EPG5: variants seen among roughly 807,000 people sequenced by gnomAD.
The protein encoded by EPG5 is ectopic P-granules 5 autophagy tethering factor.
A neutral mutation model predicts 302.7 loss-of-function variants in EPG5; 159 were observed. The observed-to-expected ratio is 0.53, with a 90% CI of 0.46 to 0.60. EPG5 has a LOEUF of 0.60. EPG5 is among the 20% of genes least tolerant of loss of function. The pLI is 0.00. For synonymous variants in EPG5, 1,158 were observed against 1,136.8 expected, an observed-to-expected ratio of 1.02 and a Z score of -0.37; for missense variants, 2,896 against 3,092.4, an observed-to-expected ratio of 0.94 and a Z score of 1.51.
intron 22 of EPG5, among the ~76,000 whole-genome samples, 162 bp from the exon 23 acceptor site, chr18:45,910,904 C>T (rs920236732): frequency 2.6e-5 from 4 of 151,892 alleles, no homozygotes; most frequent in Non-Finnish European, 5.9e-5. Flanking sequence ...TTTGATGGTC[C>T]AACAAGATGG....
chr18:45,852,514 C>T lies in EPG5; in HGVS notation c.7693G>A (p.Val2565Ile), dbSNP rs777854920. The T allele has an allele frequency of 2.0e-5, 33 of 1,614,036 alleles. No homozygotes were observed. The highest frequency in any genetic ancestry group is 1.1e-4 in the African/African-American group (8 of 74,914). The stretch of plus-strand genomic sequence containing the variant: ...TGCACTTCTGGATACAGACAGTTAA[C>T]GAGAAGAGCCAAGAAGCTTTTCCCA... The part of the protein sequence containing the change: ...QDGKSFLALL[V>I]NCLYPEVHYL... The change falls in exon 44 of 44, where the codon GTT becomes ATT. Residue 2565 changes from valine (V) to isoleucine (I), a missense_variant. Val to Ile is a conservative substitution (Grantham distance 29). Coordinates refer to ENST00000282041, the MANE Select transcript of EPG5 (RefSeq NM_020964.3).
the EPG5 span, among the ~76,000 whole-genome samples, chr18:45,826,793 G>A: frequency 6.6e-6 from 1 of 152,208 alleles, no homozygotes; most frequent in Admixed American, 6.5e-5. Flanking sequence ...TACTCAGACT[G>A]GAGTCCAGCT....
At chr18:45,952,348 C>CA in intron 3 of EPG5, 52 bp downstream of exon 3, 1 of 1,595,256 alleles carries the variant, frequency 6.3e-7, no homozygotes, top group South Asian at 1.1e-5. Flanking sequence ...CTATACCCCT[C>CA]AATTTTTTTT....
Position 45,918,564 on chromosome 18 carries a change from A to T in EPG5, c.3099-745T>A, listed in dbSNP as rs183506966. ...CCTTAAAAAATAATCTCAAATACGG[A>T]AAAAAATATAAAATATGATCCATAT... On this transcript the variant is annotated intron_variant, in intron 16 of 43. Transcript: ENST00000282041. Among the ~76,000 whole-genome samples, 413 of 152,320 alleles carry T rather than the reference A, an allele frequency of 2.7e-3. 4 individuals carry two copies. The highest frequency in any genetic ancestry group is 9.5e-3 in the African/African-American group (394 of 41,572).
intron 24 of EPG5, among the ~76,000 whole-genome samples, chr18:45,906,978 A>G (rs1331510949): frequency 6.6e-6 from 1 of 152,172 alleles, no homozygotes; most frequent in Non-Finnish European, 1.5e-5. Context: ...ACAAAATGTA[A>G]TAACTGTTTG....
chr18:45,910,100 C>G lies in EPG5; in HGVS notation c.4205+421G>C, dbSNP rs886123947. On this transcript the variant is annotated intron_variant, in intron 23 of 43. Coordinates refer to ENST00000282041, the MANE Select transcript of EPG5 (RefSeq NM_020964.3). ...TCCTGGGCTTAAGGGATCCTCCCAC[C>G]TCAGCCTCCCAAGTAGCTGGGACCA... Among the ~76,000 whole-genome samples, 10 of 152,124 alleles carry G rather than the reference C, an allele frequency of 6.6e-5. 1 individual carries two copies. The highest frequency in any genetic ancestry group is 1.5e-4 in the Non-Finnish European group (10 of 68,026).
chr18:45,910,737 G>A lies in EPG5; in HGVS notation c.3989C>T (p.Pro1330Leu). 1 of 1,612,666 alleles carries A rather than the reference G, an allele frequency of 6.2e-7. No homozygotes were observed. Among genetic ancestry groups the A allele is most frequent in the South Asian group, 1.1e-5 (1 of 90,944 alleles). Residue 1330 changes from proline to leucine, a missense_variant, in exon 23 of 44, where the codon CCC (proline) becomes CTC (leucine). Coordinates refer to ENST00000282041, the MANE Select transcript of EPG5 (RefSeq NM_020964.3). ...LHRPGPQYGL[P>L]IDGCIGRRFF... ...CCTTCTTCCAATACAACCATCTATG[G>A]GTAACCTTAAAAAACACAAGCACAG... is the stretch of plus-strand genomic sequence containing the variant.
At chr18:45,890,531 T>A (rs1237280839) in intron 27 of EPG5, among the ~76,000 whole-genome samples, 1 of 152,168 alleles carries the variant, frequency 6.6e-6, no homozygotes, top group East Asian at 1.9e-4. Context: ...AAAATTTTTA[T>A]TGGTTTTCAG....
At chr18:45,906,484 T>C (rs951797692) in intron 24 of EPG5, among the ~76,000 whole-genome samples, 1 of 152,120 alleles carries the variant, frequency 6.6e-6, no homozygotes, top group African/African-American at 2.4e-5. Context: ...CTGGTCTTTC[T>C]GCCCATTAAC....
chr18:45,908,778 G>A (rs1017044086), intron 23 of EPG5, among the ~76,000 whole-genome samples: 1 of 152,086 alleles, frequency 6.6e-6, no homozygotes, highest in African/African-American at 2.4e-5. Context: ...GTGAAAGCTT[G>A]TCTCTACTAA....
rs1437453197 is a variant in EPG5 at position 45,922,565 on chromosome 18, C to G, written c.2874G>C (p.Glu958Asp). The G allele has an allele frequency of 1.2e-6, 2 of 1,614,094 alleles. No individual in the cohort carries two copies. Among genetic ancestry groups the G allele is most frequent in the Admixed American group, 3.3e-5 (2 of 59,996 alleles). The change falls in exon 16 of 44, where the codon GAG becomes GAC. Residue 958 changes from glutamate to aspartate, a missense_variant. Coordinates refer to ENST00000282041, the MANE Select transcript of EPG5 (RefSeq NM_020964.3). ...SYLASIVRYG[E>D]TPETSFNQWA... Reference sequence around the variant, plus strand: ...ATTGGTTAAATGAGGTCTCGGGTGTCTCTCCATATCGAACAATACTGGCCA... The same window carrying G: ...ATTGGTTAAATGAGGTCTCGGGTGTGTCTCCATATCGAACAATACTGGCCA...
At chr18:45,859,090 A>T (rs941868753) in intron 40 of EPG5, among the ~76,000 whole-genome samples, 6 of 152,204 alleles carry the variant, frequency 3.9e-5, no homozygotes, top group African/African-American at 1.4e-4. Context: ...TCACATTATG[A>T]TCCTTAAAAC....
the EPG5 span, among the ~76,000 whole-genome samples, chr18:45,838,336 A>G: frequency 6.6e-6 from 1 of 152,106 alleles, no homozygotes; most frequent in Non-Finnish European, 1.5e-5. Flanking sequence ...CCTGATATAC[A>G]AAGATGCCTG....
chr18:45,822,729 G>T, the EPG5 span, among the ~76,000 whole-genome samples: 16 of 152,130 alleles, frequency 1.1e-4, no homozygotes, highest in African/African-American at 3.6e-4. Context: ...ATTTTTAAAA[G>T]AATATCTATT....
rs1351710252 is a variant in EPG5 at position 45,857,869 on chromosome 18, A to G, written c.7426T>C (p.Ser2476Pro). Reference protein sequence around the residue: ...ILGAIGFGRKSPLSNRFRVVA... With the variant: ...ILGAIGFGRKPPLSNRFRVVA... Reference sequence around the variant, plus strand: ...CTTCCTTACCTGTTAGACAAAGGCGACTTCCGGCCAAACCCAATTGCCCCC... The same window carrying G: ...CTTCCTTACCTGTTAGACAAAGGCGGCTTCCGGCCAAACCCAATTGCCCCC... Residue 2476 changes from serine (S) to proline (P), a missense_variant, in exon 42 of 44, where the codon TCG (serine) becomes CCG (proline). Physicochemically the swap from Ser to Pro is moderately conservative, Grantham distance 74. Coordinates refer to ENST00000282041, the MANE Select transcript of EPG5 (RefSeq NM_020964.3). The G allele has an allele frequency of 5.6e-6, 9 of 1,612,218 alleles. No individual in the cohort carries two copies. The highest frequency in any genetic ancestry group is 6.8e-6 in the Non-Finnish European group (8 of 1,179,994).
rs1371156173 is a variant in EPG5, at chr18:45,954,410, T to C, written c.992A>G (p.Glu331Gly). 3 of 1,608,216 alleles carry C rather than the reference T, an allele frequency of 1.9e-6. No homozygotes were observed. The African/African-American group carries it at 4.0e-5, about 22-fold the overall frequency. The change falls in exon 2 of 44, where the codon GAA becomes GGA. Residue 331 changes from glutamate (E) to glycine (G), a missense_variant. By Grantham distance (98) the Glu-to-Gly change is moderately conservative. This residue lies in a region of EPG5 where 1,390 missense variants were observed against 1,430.0 expected (regional missense o/e 0.97). Transcript: ENST00000282041. ...AKSRLWQFKE[E>G]QMSVQGICAD... is the part of the protein sequence containing the mutation. ...TCAAAATACCTGTACAGACATTTGT[T>C]CCTCCTTAAACTGCCACAGCCGACT...
intron 42 of EPG5, among the ~76,000 whole-genome samples, chr18:45,856,741 A>C (rs1725031210): frequency 6.6e-6 from 1 of 152,204 alleles, no homozygotes; most frequent in Non-Finnish European, 1.5e-5. Context: ...TGACATCATC[A>C]AGTTTGCAAA....
At chr18:45,844,175 A>T (rs912128537), downstream of EPG5, 1 of 152,338 alleles carries the variant, frequency 6.6e-6, no homozygotes, top group East Asian at 1.9e-4. Flanking sequence ...CAGAAAGATA[A>T]ATATCGCATG....
the EPG5 span, among the ~76,000 whole-genome samples, chr18:45,828,409 C>G: frequency 6.6e-6 from 1 of 152,164 alleles, no homozygotes; most frequent in African/African-American, 2.4e-5. Context: ...CCATCTCCCC[C>G]CATATCTGCT....
Sources: gnomAD v4.1 joint callset for allele counts (sites outside exome capture counted in the v4.1 genomes callset) on GRCh38, gnomAD v4.1.1 for gene constraint, gnomAD v4.1.1 regional missense constraint, MANE v1.5 for transcripts, NCBI Gene and HGNC (gene_info 2026-07-23, HGNC 2026-07-21) for gene names.